Variants in VSNL1 observed in about 807,000 individuals in gnomAD.
The protein encoded by VSNL1 is visinin-like protein 1.
Under a neutral mutation model 20.4 loss-of-function variants are expected in VSNL1, and 6 were observed. That is an observed-to-expected ratio of 0.29 (90% CI 0.16 to 0.58). The LOEUF is 0.58. VSNL1 is among the 20% of genes least tolerant of loss of function. The pLI is 0.90. For missense variants in VSNL1, 100 were observed against 234.5 expected (o/e 0.43, Z 3.75); for synonymous variants, 93 against 86.4 (o/e 1.08, Z -0.42).
chr2:17,643,658 G>T (rs999218997), intron 2 of VSNL1, among the ~76,000 whole-genome samples: 1 of 152,130 alleles, frequency 6.6e-6, no homozygotes, highest in Admixed American at 6.5e-5. Context: ...AGGGAAAAAG[G>T]GCACGAATCC....
Position 17,649,157 on chromosome 2 carries a change from C to T in VSNL1, c.163-253C>T, listed in dbSNP as rs756480509. 7.2e-5 allele frequency among the ~76,000 whole-genome samples: 11 copies of T among 152,128 alleles called. 1 individual carries two copies. Among genetic ancestry groups the T allele is most frequent in the Non-Finnish European group, 1.2e-4 (8 of 68,016 alleles). The stretch of plus-strand genomic sequence containing the variant: ...GTGGTGCTTGTTGACCGATTCCAAG[C>T]CCCATCAACTGAAAGCCACATGTCA... On this transcript the variant is annotated intron_variant, in intron 2 of 3. Transcript: ENST00000295156. This position sits in a 1 kb window ranked among gnomAD's most constrained non-coding sequence, Gnocchi z 6.4.
chr2:17,640,068 G>A (rs933383487), intron 2 of VSNL1, among the ~76,000 whole-genome samples: 2 of 152,032 alleles, frequency 1.3e-5, no homozygotes, highest in Admixed American at 6.5e-5. Flanking sequence ...TGGTAAACAC[G>A]GTGAAACCCG....
chr2:17,619,152 C>A (rs1183696040), intron 2 of VSNL1, among the ~76,000 whole-genome samples: 2 of 152,126 alleles, frequency 1.3e-5, no homozygotes, highest in Non-Finnish European at 2.9e-5. Flanking sequence ...ACAGAGGATA[C>A]CACCAGTGCC....
chr2:17,549,664 C>A (rs958085668), intron 1 of VSNL1, among the ~76,000 whole-genome samples: 5 of 152,084 alleles, frequency 3.3e-5, no homozygotes, highest in South Asian at 2.1e-4. Flanking sequence ...TGAAACACTT[C>A]TTTGGGGAAA....
intron 2 of VSNL1, among the ~76,000 whole-genome samples, chr2:17,611,845 C>T (rs1288031918): frequency 6.6e-6 from 1 of 152,166 alleles, no homozygotes; most frequent in Non-Finnish European, 1.5e-5. Context: ...ATGTCAGTGA[C>T]TGATTATATT....
At chr2:17,547,217 T>C (rs775643322) in intron 1 of VSNL1, among the ~76,000 whole-genome samples, 5 of 151,772 alleles carry the variant, frequency 3.3e-5, no homozygotes, top group South Asian at 2.1e-4. Context: ...TTGTTTAAAC[T>C]CTCAGCCTCA....
chr2:17,650,859 A>G (rs1666109387), intron 3 of VSNL1, among the ~76,000 whole-genome samples: 1 of 152,118 alleles, frequency 6.6e-6, no homozygotes, highest in Non-Finnish European at 1.5e-5. Flanking sequence ...CTCCCCTTCT[A>G]TCTTCAATGC....
At chr2:17,594,568 A>G (rs1664670377) in intron 2 of VSNL1, among the ~76,000 whole-genome samples, 1 of 152,230 alleles carries the variant, frequency 6.6e-6, no homozygotes, top group African/African-American at 2.4e-5. Context: ...CACGGTCATT[A>G]TCCTGGTGAA....
chr2:17,567,223 T>C (rs1663968195), intron 1 of VSNL1, among the ~76,000 whole-genome samples: 1 of 152,082 alleles, frequency 6.6e-6, no homozygotes, highest in East Asian at 1.9e-4. Context: ...ATATTTAAAA[T>C]TTATTCAAAT....
chr2:17,612,990 C>T (rs1281112676), intron 2 of VSNL1, among the ~76,000 whole-genome samples: 1 of 152,214 alleles, frequency 6.6e-6, no homozygotes, highest in Non-Finnish European at 1.5e-5. Flanking sequence ...ACTTTCCTCT[C>T]CTCAGCTCCT....
intron 1 of VSNL1, among the ~76,000 whole-genome samples, chr2:17,556,387 G>T (rs916706340): frequency 3.3e-5 from 5 of 152,108 alleles, no homozygotes; most frequent in African/African-American, 1.2e-4. Flanking sequence ...AAATCAATTG[G>T]ATCATTAAAA....
chr2:17,650,758 T>G (rs1666107090), intron 3 of VSNL1, among the ~76,000 whole-genome samples: 1 of 152,180 alleles, frequency 6.6e-6, no homozygotes, highest in African/African-American at 2.4e-5. Context: ...CAGAGAGAAG[T>G]CACCCATCAA....
upstream of VSNL1, among the ~76,000 whole-genome samples, chr2:17,540,455 C>A (rs1663254201): frequency 6.6e-6 from 1 of 152,272 alleles, no homozygotes; most frequent in South Asian, 2.1e-4. Context: ...TATATACTTT[C>A]CTTTTGAGCT....
intron 2 of VSNL1, among the ~76,000 whole-genome samples, chr2:17,632,135 C>T (rs188689378): frequency 6.6e-6 from 1 of 152,270 alleles, no homozygotes; most frequent in Admixed American, 6.5e-5. Flanking sequence ...GTTCCACCCA[C>T]AGGGATTACA....
chr2:17,577,364 C>A (rs1664240511), intron 1 of VSNL1, among the ~76,000 whole-genome samples: 1 of 152,102 alleles, frequency 6.6e-6, no homozygotes, highest in African/African-American at 2.4e-5. Context: ...ATGGTTCTTA[C>A]TTTTTTTATT....
intron 1 of VSNL1, among the ~76,000 whole-genome samples, chr2:17,590,506 A>G (rs563209070): frequency 3.2e-4 from 49 of 152,174 alleles, no homozygotes; most frequent in Non-Finnish European, 6.5e-4. Context: ...AGAGTTGCTG[A>G]TACTGGGCCC....
At chr2:17,546,279 T>C (rs1663404039) in intron 1 of VSNL1, among the ~76,000 whole-genome samples, 2 of 152,090 alleles carry the variant, frequency 1.3e-5, no homozygotes, top group African/African-American at 2.4e-5. Context: ...GCTGCCCATA[T>C]AATACTTTTC....
intron 1 of VSNL1, among the ~76,000 whole-genome samples, chr2:17,555,543 C>T (rs2103343135): frequency 6.6e-6 from 1 of 152,228 alleles, no homozygotes; most frequent in African/African-American, 2.4e-5. Context: ...CTGTGAATTC[C>T]TACAACGTAG....
intron 1 of VSNL1, among the ~76,000 whole-genome samples, chr2:17,570,508 C>G (rs967833659): frequency 5.3e-5 from 8 of 152,154 alleles, no homozygotes; most frequent in African/African-American, 1.9e-4. Flanking sequence ...GTGTGAGTAT[C>G]TATGGATTGG....
Sources: gnomAD v4.1 joint callset for allele counts (sites outside exome capture counted in the v4.1 genomes callset) on GRCh38, gnomAD v4.1.1 for gene constraint, Gnocchi (gnomAD v3.1) non-coding constraint, MANE v1.5 for transcripts, NCBI Gene and HGNC (gene_info 2026-07-23, HGNC 2026-07-21) for gene names.